HIBADH: variants seen among roughly 807,000 people sequenced by gnomAD.
The protein encoded by HIBADH is 3-hydroxyisobutyrate dehydrogenase.
HIBADH carries 25 observed loss-of-function variants against 36.1 expected under a neutral mutation model. The ratio of observed to expected loss-of-function variants is 0.69; its 90% CI spans 0.50 to 0.97. The LOEUF is 0.97. HIBADH is among the 50% of genes least tolerant of loss of function. The pLI is 0.00. For synonymous variants in HIBADH, 160 were observed against 149.5 expected, an observed-to-expected ratio of 1.07 and a Z score of -0.51; for missense variants, 421 against 418.0, an observed-to-expected ratio of 1.01 and a Z score of -0.06.
Position 27,599,750 on chromosome 7 carries a change from C to CCAAATA in HIBADH, c.484+29615_484+29620dup, listed in dbSNP as rs201325335. ...AGAAAGTAAAATAATACAAATAAAA[C>CCAAATA]CAAATACCAATTGTTTAAAACATTC... is the stretch of plus-strand genomic sequence containing the variant. On this transcript the variant is annotated intron_variant, in intron 4 of 7. Coordinates refer to ENST00000265395, the MANE Select transcript of HIBADH (RefSeq NM_152740.4). Among the ~76,000 whole-genome samples, 996 of 140,862 alleles carry CCAAATA rather than the reference C, an allele frequency of 7.1e-3. 7 individuals carry two copies. The highest frequency in any genetic ancestry group is 0.02 in the African/African-American group (754 of 37,624). The allele number at this position is 140,862 out of a possible 152,430, so 92.4% of individuals were successfully genotyped here.
intron 4 of HIBADH, among the ~76,000 whole-genome samples, chr7:27,580,753 G>T (rs1784775788): frequency 6.6e-6 from 1 of 152,210 alleles, no homozygotes; most frequent in Non-Finnish European, 1.5e-5. Flanking sequence ...TCTTTGGTCT[G>T]TGGAGTTTAC....
At chr7:27,645,699 A>C (rs2128296500) in intron 2 of HIBADH, among the ~76,000 whole-genome samples, 1 of 152,118 alleles carries the variant, frequency 6.6e-6, no homozygotes, top group Non-Finnish European at 1.5e-5. Flanking sequence ...CTATGTTTCT[A>C]CGATGCCTAA....
At chr7:27,527,755 C>CTT (rs10629006) in intron 7 of HIBADH, among the ~76,000 whole-genome samples, 5 of 132,096 alleles carry the variant, frequency 3.8e-5, no homozygotes, top group Admixed American at 7.8e-5. Flanking sequence ...CAATCAGTAA[C>CTT]TTTTTTTTTT....
chr7:27,538,563 T>A, intron 5 of HIBADH, 146 bp from the exon 6 acceptor site: 1 of 685,742 alleles, frequency 1.5e-6, no homozygotes, highest in African/African-American at 1.8e-5. Context: ...GAGAACCTGA[T>A]GCAGCATGGC....
At chr7:27,557,692 C>T (rs1175712150) in intron 4 of HIBADH, among the ~76,000 whole-genome samples, 1 of 152,108 alleles carries the variant, frequency 6.6e-6, no homozygotes, top group Non-Finnish European at 1.5e-5. Context: ...GAACAAAATC[C>T]CTCCATTAAG....
At chr7:27,567,812 T>C (rs1301951932) in intron 4 of HIBADH, among the ~76,000 whole-genome samples, 2 of 152,188 alleles carry the variant, frequency 1.3e-5, no homozygotes, top group East Asian at 1.9e-4. Context: ...TTTACATATA[T>C]AGAAAATTCC....
intron 4 of HIBADH, among the ~76,000 whole-genome samples, chr7:27,566,727 T>C (rs1324467309): frequency 6.6e-6 from 1 of 152,172 alleles, no homozygotes; most frequent in Non-Finnish European, 1.5e-5. Context: ...CCTACAAATA[T>C]GTTGTATTTA....
chr7:27,660,228 T>A (rs900563613), intron 1 of HIBADH, among the ~76,000 whole-genome samples: 1 of 152,240 alleles, frequency 6.6e-6, no homozygotes, highest in Non-Finnish European at 1.5e-5. Context: ...CACATTACTA[T>A]CTGAACATGG....
rs1325966670 is a variant in HIBADH at position 27,599,453 on chromosome 7, C to T, written c.484+29918G>A. On this transcript the variant is annotated intron_variant, in intron 4 of 7. Coordinates refer to ENST00000265395, the MANE Select transcript of HIBADH (RefSeq NM_152740.4). The stretch of plus-strand genomic sequence containing the variant: ...ATCCCAGCACTTTGGGAGGCCGAGG[C>T]GGGCTGATCACGAGGTCAGGAGATC... Among the ~76,000 whole-genome samples the T allele has an allele frequency of 4.6e-5, 7 of 151,858 alleles. No individual in the cohort carries two copies. The South Asian group carries it at 8.3e-4, about 18-fold the overall frequency.
intron 5 of HIBADH, among the ~76,000 whole-genome samples, chr7:27,542,592 T>G (rs1158769167): frequency 4.0e-5 from 6 of 151,706 alleles, no homozygotes; most frequent in Admixed American, 2.0e-4. Context: ...GCTGTGACTA[T>G]AAGTGTGTGT....
intron 4 of HIBADH, among the ~76,000 whole-genome samples, chr7:27,546,466 G>A (rs1784236944): frequency 6.6e-6 from 1 of 152,140 alleles, no homozygotes; most frequent in Non-Finnish European, 1.5e-5. Flanking sequence ...ACTTGAATTT[G>A]TGAAGTGGGC....
At chr7:27,614,100 G>A (rs184756555) in intron 4 of HIBADH, among the ~76,000 whole-genome samples, 4 of 152,236 alleles carry the variant, frequency 2.6e-5, no homozygotes, top group Admixed American at 1.3e-4. Context: ...AACTGGTAAT[G>A]AGGAGTTCCA....
chr7:27,574,346 G>A (rs1204712998), intron 4 of HIBADH, among the ~76,000 whole-genome samples: 1 of 151,694 alleles, frequency 6.6e-6, no homozygotes, highest in Non-Finnish European at 1.5e-5. Flanking sequence ...GGTATCCCAC[G>A]AAGAATCTCT....
At chr7:27,590,358 C>T (rs1784922179) in intron 4 of HIBADH, among the ~76,000 whole-genome samples, 1 of 152,186 alleles carries the variant, frequency 6.6e-6, no homozygotes, top group South Asian at 2.1e-4. Context: ...TTTCACTATA[C>T]CTAATGCACT....
At chr7:27,546,130 C>T (rs1393220365) in intron 4 of HIBADH, among the ~76,000 whole-genome samples, 1 of 152,074 alleles carries the variant, frequency 6.6e-6, no homozygotes, top group Non-Finnish European at 1.5e-5. Context: ...TTTTTTGAGA[C>T]AGGGTCTTAC....
At chr7:27,563,984 T>C (rs34905189) in intron 4 of HIBADH, among the ~76,000 whole-genome samples, 31,886 of 150,144 alleles carry the variant, frequency 0.21, 4,384 homozygotes, top group East Asian at 0.51. Context: ...CTGTAAGCTC[T>C]GCCTCCCGGA....
chr7:27,588,773 T>G (rs937353341), intron 4 of HIBADH, among the ~76,000 whole-genome samples: 2 of 152,186 alleles, frequency 1.3e-5, no homozygotes, highest in African/African-American at 4.8e-5. Flanking sequence ...AAGCACAAAG[T>G]GTTATATTCT....
At chr7:27,528,938 G>A (rs1360007942) in intron 7 of HIBADH, among the ~76,000 whole-genome samples, 2 of 152,232 alleles carry the variant, frequency 1.3e-5, no homozygotes, top group Non-Finnish European at 2.9e-5. Flanking sequence ...GGGACTTGAA[G>A]TTGAAGCCAA....
Position 27,660,619 on chromosome 7 carries a change from TG to T in HIBADH, c.91+2078del, listed in dbSNP as rs559280492. 5.3e-3 allele frequency among the ~76,000 whole-genome samples: 797 copies of T among 151,608 alleles called. 6 individuals carry two copies. Among genetic ancestry groups the T allele is most frequent in the Non-Finnish European group, 7.7e-3 (525 of 67,960 alleles). ...GGCGGAGCTTGCAGTGAGCTGAGAT[TG>T]CGCCAATGCACTCTAGCCTGGGCGA... On this transcript the variant is annotated intron_variant, in intron 1 of 7. Coordinates refer to ENST00000265395, the MANE Select transcript of HIBADH (RefSeq NM_152740.4).
Sources: gnomAD v4.1 joint callset for allele counts (sites outside exome capture counted in the v4.1 genomes callset) on GRCh38, gnomAD v4.1.1 for gene constraint, MANE v1.5 for transcripts, NCBI Gene and HGNC (gene_info 2026-07-23, HGNC 2026-07-21) for gene names.